The following SMYD3 variants were observed in gnomAD, a reference collection of about 807,000 sequenced individuals.
The protein encoded by SMYD3 is histone-lysine N-methyltransferase SMYD3.
Under a neutral mutation model 57.7 loss-of-function variants are expected in SMYD3, and 36 were observed. The ratio of observed to expected loss-of-function variants is 0.62; its 90% CI spans 0.48 to 0.82. The LOEUF is 0.82. Among genes scored for constraint, SMYD3 ranks in the 40% least tolerant of loss-of-function variants. The probability of loss-of-function intolerance (pLI) is 0.00; values close to 1 mark genes in which losing one functional copy is unlikely to be tolerated. For synonymous variants in SMYD3, 211 were observed against 195.0 expected, an observed-to-expected ratio of 1.08 and a Z score of -0.68; for missense variants, 515 against 538.8, an observed-to-expected ratio of 0.96 and a Z score of 0.44.
chr1:246,107,422 G>A (rs1256299432), intron 5 of SMYD3, among the ~76,000 whole-genome samples: 3 of 152,036 alleles, frequency 2.0e-5, no homozygotes, highest in African/African-American at 7.3e-5. Flanking sequence ...ACCAAAAGCA[G>A]ACAAGTTCAC....
intron 8 of SMYD3, among the ~76,000 whole-genome samples, chr1:245,895,492 T>C (rs890399624): frequency 2.7e-5 from 4 of 148,940 alleles, no homozygotes; most frequent in East Asian, 2.3e-4. Flanking sequence ...TCTAGCAAAA[T>C]AGAGTAAGGC....
intron 10 of SMYD3, among the ~76,000 whole-genome samples, chr1:245,815,573 G>A (rs2048759523): frequency 6.6e-6 from 1 of 152,236 alleles, no homozygotes; most frequent in African/African-American, 2.4e-5. Flanking sequence ...AGGTCAAGAA[G>A]TACACAGATC....
chr1:246,120,639 A>G (rs1201757886), intron 5 of SMYD3, among the ~76,000 whole-genome samples: 1 of 152,210 alleles, frequency 6.6e-6, no homozygotes, highest in Non-Finnish European at 1.5e-5. Flanking sequence ...AGCACTTGGC[A>G]TAATGCGTGG....
intron 10 of SMYD3, among the ~76,000 whole-genome samples, chr1:245,767,686 G>A (rs563794930): frequency 3.9e-5 from 6 of 152,292 alleles, no homozygotes; most frequent in African/African-American, 7.2e-5. Context: ...ATGCTGGTCC[G>A]GCCAGCAGAG....
In SMYD3 at chr1:245,776,630, A is replaced by C. The variant is rs111783203; in HGVS notation, c.1077-12481T>G. Among the ~76,000 whole-genome samples, 248 of 152,340 alleles carry C rather than the reference A, an allele frequency of 1.6e-3. 1 individual carries two copies. Among genetic ancestry groups the C allele is most frequent in the African/African-American group, 5.4e-3 (226 of 41,570 alleles). ...TACAGATGCCAAGTACTCAGAGCCC[A>C]CAGACCTTGAAGAAGTCATAGGATG... is the stretch of plus-strand genomic sequence containing the variant. On this transcript the variant is annotated intron_variant, in intron 10 of 11. Transcript: ENST00000490107.
chr1:246,018,629 G>A (rs1473828320), intron 5 of SMYD3, among the ~76,000 whole-genome samples: 1 of 152,052 alleles, frequency 6.6e-6, no homozygotes, highest in Non-Finnish European at 1.5e-5. Context: ...TTTACAGATG[G>A]GGTCTTGCTC....
intron 5 of SMYD3, among the ~76,000 whole-genome samples, chr1:246,188,108 G>A (rs2062673394): frequency 6.6e-6 from 1 of 152,116 alleles, no homozygotes; most frequent in South Asian, 2.1e-4. Flanking sequence ...TGGACACTCA[G>A]CCTCTGACCT....
intron 5 of SMYD3, among the ~76,000 whole-genome samples, chr1:245,974,509 C>G (rs111885738): frequency 7.5e-5 from 10 of 134,040 alleles, no homozygotes; most frequent in Non-Finnish European, 1.1e-4. Flanking sequence ...GTCTCCGGCC[C>G]AGGGAAAGCC....
At chr1:245,849,167 T>C (rs1442628566) in intron 10 of SMYD3, among the ~76,000 whole-genome samples, 1 of 152,186 alleles carries the variant, frequency 6.6e-6, no homozygotes, top group African/African-American at 2.4e-5. Context: ...AAGTAGATTC[T>C]AGTGGCTCCC....
chr1:245,970,186 A>G (rs553386803), intron 5 of SMYD3, among the ~76,000 whole-genome samples: 23 of 152,368 alleles, frequency 1.5e-4, no homozygotes, highest in African/African-American at 5.0e-4. Flanking sequence ...ATCTTTGACA[A>G]ACCTGACAAA....
At chr1:245,950,679 G>A (rs1046961263) in intron 5 of SMYD3, among the ~76,000 whole-genome samples, 10 of 152,166 alleles carry the variant, frequency 6.6e-5, no homozygotes, top group Admixed American at 6.5e-4. Context: ...ATATGCCTCC[G>A]ATATAAAGTT....
intron 5 of SMYD3, among the ~76,000 whole-genome samples, chr1:245,971,805 C>T (rs549685705): frequency 6.4e-4 from 97 of 152,302 alleles, no homozygotes; most frequent in African/African-American, 2.2e-3. Flanking sequence ...TACATGATCA[C>T]TAACACTTAA....
chr1:245,950,906 G>A (rs1023592982), intron 5 of SMYD3, among the ~76,000 whole-genome samples: 5 of 152,140 alleles, frequency 3.3e-5, no homozygotes, highest in African/African-American at 9.7e-5. Flanking sequence ...AAACACTTAC[G>A]CAGATAATTT....
chr1:246,194,215 GA>G lies in SMYD3; in HGVS notation c.531+132985del, dbSNP rs1333936341. On this transcript the variant is annotated intron_variant, in intron 5 of 11. Coordinates refer to ENST00000490107, the MANE Select transcript of SMYD3 (RefSeq NM_001167740.2). ...AGGGGGTCTACACACTTCCTAAGGG[GA>G]AAAGTAAACATTTTTTTGAACACTT... Among the ~76,000 whole-genome samples the G allele has an allele frequency of 2.8e-5, 4 of 142,206 alleles. No individual in the cohort carries two copies. In the South Asian group the frequency reaches 6.3e-4, roughly 22 times the overall value. The allele number at this position is 142,206 out of a possible 152,430, so 93.3% of individuals were successfully genotyped here.
intron 1 of SMYD3, among the ~76,000 whole-genome samples, chr1:246,362,723 G>A (rs1238930451): frequency 2.0e-5 from 3 of 152,208 alleles, no homozygotes; most frequent in Admixed American, 6.5e-5. Flanking sequence ...TCGGCCTCCC[G>A]GAGGTGCAGG....
chr1:245,838,169 T>C (rs957856544), intron 10 of SMYD3, among the ~76,000 whole-genome samples: 2 of 152,250 alleles, frequency 1.3e-5, no homozygotes, highest in Admixed American at 6.5e-5. Flanking sequence ...TTGAAGTTAT[T>C]TCACAACTAA....
At chr1:245,751,584 G>A (rs1002272162) in intron 11 of SMYD3, among the ~76,000 whole-genome samples, 23 of 57,124 alleles carry the variant, frequency 4.0e-4, no homozygotes, top group African/African-American at 1.8e-3. Flanking sequence ...GAGAAAGAGA[G>A]AGAGAGAGAA....
chr1:246,475,473 C>T (rs958699560), intron 1 of SMYD3, among the ~76,000 whole-genome samples: 11 of 151,894 alleles, frequency 7.2e-5, no homozygotes, highest in Admixed American at 1.3e-4. Flanking sequence ...TGAAACACCA[C>T]CTCTACTAAA....
chr1:246,344,479 A>AT, intron 2 of SMYD3, among the ~76,000 whole-genome samples: 2 of 152,294 alleles, frequency 1.3e-5, no homozygotes, highest in East Asian at 3.9e-4. Flanking sequence ...GCATCTCTTT[A>AT]TTCATTTACC....
Sources: gnomAD v4.1 joint callset for allele counts (sites outside exome capture counted in the v4.1 genomes callset) on GRCh38, gnomAD v4.1.1 for gene constraint, MANE v1.5 for transcripts, NCBI Gene and HGNC (gene_info 2026-07-23, HGNC 2026-07-21) for gene names.